GLS: variants seen among roughly 807,000 people sequenced by gnomAD.
The protein encoded by GLS is glutaminase, also known as glutaminase kidney isoform, mitochondrial.
Under a neutral mutation model 86.7 loss-of-function variants are expected in GLS, and 36 were observed. The observed-to-expected ratio is 0.42, with a 90% confidence interval of 0.32 to 0.55. The LOEUF (loss-of-function observed/expected upper bound fraction) is 0.55. GLS is among the 20% of genes least tolerant of loss of function. The pLI, the probability that GLS is intolerant of heterozygous loss-of-function variation, is 0.17. For synonymous variants in GLS, 317 were observed against 305.9 expected (o/e 1.04, Z -0.38); for missense variants, 528 against 833.4 (o/e 0.63, Z 4.51).
At chr2:190,932,531 A>C (rs1205030653) in intron 14 of GLS, 2 of 356,952 alleles carry the variant, frequency 5.6e-6, no homozygotes, top group Non-Finnish European at 1.0e-5. Flanking sequence ...TGTAAGAATT[A>C]TGCAAAACCA....
intron 13 of GLS, 91 bp from the exon 14 acceptor site, chr2:190,931,454 T>C (rs1690102725): frequency 1.8e-6 from 1 of 558,738 alleles, no homozygotes. Flanking sequence ...ATTTCTAGGC[T>C]GGACGATATA....
Position 190,881,401 on chromosome 2 carries a change from A to G in GLS, c.317A>G (p.Lys106Arg), listed in dbSNP as rs1314324953. 1 of 1,542,298 alleles carries G rather than the reference A, an allele frequency of 6.5e-7. No individual in the cohort carries two copies. Among genetic ancestry groups the G allele is most frequent in the South Asian group, 1.2e-5 (1 of 83,724 alleles). The stretch of plus-strand genomic sequence containing the variant: ...GCTGCCCCGGCGGCGCCCGGCCCCA[A>G]GGACGGCCCCGGGGAGACGGACGCG... The part of the protein sequence containing the change: ...PPAAPAAPGP[K>R]DGPGETDAFG... Residue 106 changes from lysine (K) to arginine (R), a missense_variant, in exon 1 of 18, where the codon AAG becomes AGG. By Grantham distance (26) the Lys-to-Arg change is conservative. Transcript: ENST00000320717.
At chr2:190,941,356 T>C (rs546079117) in intron 14 of GLS, among the ~76,000 whole-genome samples, 22 of 152,304 alleles carry the variant, frequency 1.4e-4, no homozygotes, top group Admixed American at 6.5e-4. Flanking sequence ...TAATAAACTT[T>C]ATGAGACACA....
chr2:190,952,800 A>T (rs1394355171), intron 14 of GLS, among the ~76,000 whole-genome samples: 2 of 152,224 alleles, frequency 1.3e-5, no homozygotes, highest in Non-Finnish European at 2.9e-5. Flanking sequence ...AATTTCTCAT[A>T]GATAGGGATG....
At chr2:190,926,843 T>C (rs184408138) in intron 11 of GLS, among the ~76,000 whole-genome samples, 1 of 152,318 alleles carries the variant, frequency 6.6e-6, no homozygotes, top group East Asian at 1.9e-4. Context: ...ATGGGTGAAA[T>C]GTCAGGCACT....
rs1689828361 is a variant in GLS at position 190,924,121 on chromosome 2, CGTGA to C, written c.1197+141_1197+144del. ...GGTGCAGAAGTTTTTGCAGAGTGCT[CGTGA>C]GTCAGTGTTATCAAATTGTTAATGT... is the stretch of plus-strand genomic sequence containing the variant. On this transcript the variant is annotated intron_variant, in intron 10 of 17. Coordinates refer to ENST00000320717, the MANE Select transcript of GLS (RefSeq NM_014905.5). This position sits in a 1 kb window ranked among gnomAD's most constrained non-coding sequence, Gnocchi z 5.2. 3 of 595,310 alleles carry C rather than the reference CGTGA, an allele frequency of 5.0e-6. No individual in the cohort carries two copies. The highest frequency in any genetic ancestry group is 3.0e-6 in the Non-Finnish European group (1 of 335,226). The allele number at this position is 595,310 out of a possible 1,614,324, so 36.9% of individuals were successfully genotyped here. A position where few individuals can be genotyped will look rare whatever the true frequency, so the allele number is the denominator to read the frequency against.
chr2:190,927,288 G>C lies in GLS; in HGVS notation c.1249-18G>C. ...ATATTAAAAGTAGTATGAGAATTCTGCTTTTTCTTTGTGTTAGCTGTGCTC... is the reference window on the plus strand; with the variant it reads ...ATATTAAAAGTAGTATGAGAATTCTCCTTTTTCTTTGTGTTAGCTGTGCTC... On this transcript the variant is annotated intron_variant, in intron 11 of 17. Coordinates refer to ENST00000320717, the MANE Select transcript of GLS (RefSeq NM_014905.5). 1 of 1,572,978 alleles carries C rather than the reference G, an allele frequency of 6.4e-7. No individual in the cohort carries two copies. Among genetic ancestry groups the C allele is most frequent in the African/African-American group, 1.4e-5 (1 of 72,684 alleles).
intron 14 of GLS, chr2:190,932,616 T>G (rs1690144584): frequency 1.1e-6 from 1 of 881,768 alleles, no homozygotes; most frequent in Non-Finnish European, 1.5e-6. Flanking sequence ...TTTAAAATGT[T>G]AACATTTTAA....
At chr2:190,899,424 ATAT>A (rs1043509502) in intron 3 of GLS, among the ~76,000 whole-genome samples, 1 of 152,112 alleles carries the variant, frequency 6.6e-6, no homozygotes, top group Non-Finnish European at 1.5e-5. Flanking sequence ...AAATGAGTAT[ATAT>A]TATTCTGAAT....
chr2:190,915,638 T>A (rs1689508190), intron 7 of GLS, among the ~76,000 whole-genome samples: 1 of 152,190 alleles, frequency 6.6e-6, no homozygotes, highest in African/African-American at 2.4e-5. Flanking sequence ...ATGCGCCTTT[T>A]AAAAAATTAA....
chr2:190,955,954 C>G lies in GLS; in HGVS notation c.1853+1136C>G, dbSNP rs1264269368. Among the ~76,000 whole-genome samples the G allele has an allele frequency of 2.6e-5, 4 of 152,136 alleles. No homozygotes were observed. The highest frequency in any genetic ancestry group is 5.9e-5 in the Non-Finnish European group (4 of 68,022). ...AGAAGTGTCTGTTCACATCCTTCAC[C>G]CACTTTTTGATGGGGTTTTTTTGTT... On this transcript the variant is annotated intron_variant, in intron 17 of 17. Transcript: ENST00000320717. The surrounding 1 kb of genome is among the most constrained non-coding windows in gnomAD (Gnocchi z 5.6).
intron 17 of GLS, among the ~76,000 whole-genome samples, chr2:190,958,196 C>T (rs1690908609): frequency 6.6e-6 from 1 of 152,196 alleles, no homozygotes; most frequent in South Asian, 2.1e-4. Context: ...TTATCAATTT[C>T]TTCTAGATTT....
At chr2:190,887,450 G>A (rs1254556866) in intron 1 of GLS, among the ~76,000 whole-genome samples, 3 of 151,932 alleles carry the variant, frequency 2.0e-5, no homozygotes, top group Non-Finnish European at 4.4e-5. Flanking sequence ...CATTACTTTC[G>A]AAACATAGAA....
rs1688127415 is a variant in GLS, at chr2:190,880,920, A to ACCC, written c.-164_-162dup. On this transcript the variant is annotated 5_prime_UTR_variant, in exon 1 of 18. Coordinates refer to ENST00000320717, the MANE Select transcript of GLS (RefSeq NM_014905.5). ...CAGCAGCAGCAGCAGCAGCAGCAGC[A>ACCC]CCCGCATCCGCTGCGGGAGTCCGAG... is the stretch of plus-strand genomic sequence containing the variant. 3 of 933,614 alleles carry ACCC rather than the reference A, an allele frequency of 3.2e-6. No homozygotes were observed. The highest frequency in any genetic ancestry group is 2.1e-5 in the Admixed American group (1 of 47,154). 57.8% of individuals were successfully genotyped at this position (933,614 alleles called of 1,614,324 possible).
Position 190,954,588 on chromosome 2 carries a change from G to T in GLS, c.1717G>T (p.Ala573Ser). 6.2e-7 allele frequency: 1 copy of T among 1,607,266 alleles called. No individual in the cohort carries two copies. The highest frequency in any genetic ancestry group is 8.5e-7 in the Non-Finnish European group (1 of 1,175,470). Residue 573 changes from alanine to serine, a missense_variant, in exon 16 of 18, where the codon GCT becomes TCT. Physicochemically the swap from Ala to Ser is moderately conservative, Grantham distance 99 (BLOSUM62 1). Around this residue, in one of 4 missense-constraint regions of GLS, gnomAD observed 163 missense variants for 429.2 expected, o/e 0.38. Coordinates refer to ENST00000320717, the MANE Select transcript of GLS (RefSeq NM_014905.5). This position sits in a 1 kb window ranked among gnomAD's most constrained non-coding sequence, Gnocchi z 4.0. Reference sequence around the variant, plus strand: ...GCTGTGCTTACACATTTTCAGATTTGCTTTGTCAGCTATGGACATGGAACA... The same window carrying T: ...GCTGTGCTTACACATTTTCAGATTTTCTTTGTCAGCTATGGACATGGAACA... ...TGDVSALRRF[A>S]LSAMDMEQRD...
intron 3 of GLS, among the ~76,000 whole-genome samples, chr2:190,899,527 A>T (rs942328197): frequency 1.1e-4 from 16 of 152,120 alleles, no homozygotes; most frequent in Admixed American, 3.3e-4. Flanking sequence ...GACATTTAAA[A>T]ATTTCTCATT....
chr2:190,940,188 ATATGCATCATTGATCCAGGTC>A (rs1291015255), intron 14 of GLS, among the ~76,000 whole-genome samples: 1 of 151,970 alleles, frequency 6.6e-6, no homozygotes, highest in Non-Finnish European at 1.5e-5. Context: ...TCCTTGAAGT[ATATGCATCATTGATCCAGGTC>A]TATGCACAAG....
At chr2:190,939,745 C>T (rs1386858436) in intron 14 of GLS, among the ~76,000 whole-genome samples, 1 of 151,654 alleles carries the variant, frequency 6.6e-6, no homozygotes, top group African/African-American at 2.4e-5. Flanking sequence ...AAAGCTTAAT[C>T]CTTAAGGCTT....
Position 190,963,651 on chromosome 2 carries a change from TCCC to T in GLS, c.*667_*669del, listed in dbSNP as rs1691055937. On this transcript the variant is annotated 3_prime_UTR_variant, in exon 18 of 18. Coordinates refer to ENST00000320717, the MANE Select transcript of GLS (RefSeq NM_014905.5). ...TTTGAAAAATTTTCCTTTTTCTATA[TCCC>T]CTTAGTCCAGCCTCTCTTCTCAGAC... is the stretch of plus-strand genomic sequence containing the variant. 1 of 152,632 alleles carries T rather than the reference TCCC, an allele frequency of 6.6e-6. No homozygotes were observed. The allele number at this position is 152,632 out of a possible 1,614,324, so 9.5% of individuals were successfully genotyped here.
Sources: gnomAD v4.1 joint callset for allele counts (sites outside exome capture counted in the v4.1 genomes callset) on GRCh38, gnomAD v4.1.1 for gene constraint, gnomAD v4.1.1 regional missense constraint, Gnocchi (gnomAD v3.1) non-coding constraint, MANE v1.5 for transcripts, NCBI Gene and HGNC (gene_info 2026-07-23, HGNC 2026-07-21) for gene names.